BCL2L1: variants seen among roughly 807,000 people sequenced by gnomAD.
BCL2L1 encodes bcl-2-like protein 1.
BCL2L1 carries 1 observed loss-of-function variant against 18.7 expected under a neutral mutation model. That is an observed-to-expected ratio of 0.05 (90% CI 0.02 to 0.25). The LOEUF (loss-of-function observed/expected upper bound fraction) is 0.25. BCL2L1 is among the 10% of genes least tolerant of loss of function. BCL2L1 has a pLI of 1.00. For missense variants in BCL2L1, 207 were observed against 304.9 expected (o/e 0.68, Z 2.39); for synonymous variants, 103 against 122.7 (o/e 0.84, Z 1.06).
At chr20:31,693,402 C>T (rs1459610110) in intron 2 of BCL2L1, among the ~76,000 whole-genome samples, 3 of 151,966 alleles carry the variant, frequency 2.0e-5, no homozygotes, top group African/African-American at 7.3e-5. Context: ...GAGGTATGAT[C>T]ATGCCACTGC....
intron 2 of BCL2L1, among the ~76,000 whole-genome samples, chr20:31,674,775 T>C (rs762115211): frequency 6.7e-6 from 1 of 149,014 alleles, no homozygotes; most frequent in Non-Finnish European, 1.5e-5. Context: ...CTCAGGAGAC[T>C]GAAGTGGGAG....
intron 2 of BCL2L1, among the ~76,000 whole-genome samples, chr20:31,684,158 C>T (rs1013174197): frequency 3.9e-5 from 6 of 152,104 alleles, no homozygotes; most frequent in African/African-American, 1.4e-4. Context: ...ACAGCCCTGT[C>T]CCCCAGGGTG....
intron 2 of BCL2L1, among the ~76,000 whole-genome samples, chr20:31,671,919 A>C (rs983164289): frequency 1.4e-5 from 2 of 147,618 alleles, no homozygotes; most frequent in African/African-American, 4.9e-5. Flanking sequence ...TATACTTTAC[A>C]TATACTATAT....
At chr20:31,714,206 G>A (rs147296912) in intron 2 of BCL2L1, among the ~76,000 whole-genome samples, 69 of 152,326 alleles carry the variant, frequency 4.5e-4, no homozygotes, top group African/African-American at 1.1e-3. Flanking sequence ...TAAGGATAGA[G>A]AGAACCAGCA....
At chr20:31,711,231 C>G (rs746005774) in intron 2 of BCL2L1, among the ~76,000 whole-genome samples, 6 of 152,214 alleles carry the variant, frequency 3.9e-5, no homozygotes, top group Non-Finnish European at 5.9e-5. Flanking sequence ...ATTCATGCCT[C>G]ACTTACTCTG....
At chr20:31,720,872 C>T in intron 2 of BCL2L1, 3 of 985,432 alleles carry the variant, frequency 3.0e-6, no homozygotes, top group Non-Finnish European at 3.6e-6. Flanking sequence ...CCCCTGGGCT[C>T]TGGCCGGAAA....
intron 2 of BCL2L1, among the ~76,000 whole-genome samples, chr20:31,690,570 T>G (rs1422004526): frequency 6.7e-6 from 1 of 150,240 alleles, no homozygotes; most frequent in Non-Finnish European, 1.5e-5. Flanking sequence ...CAGGTCAGTA[T>G]GTATTTTTTT....
At chr20:31,700,404 C>A (rs1232607500) in intron 2 of BCL2L1, among the ~76,000 whole-genome samples, 2 of 152,178 alleles carry the variant, frequency 1.3e-5, no homozygotes, top group Non-Finnish European at 2.9e-5. Context: ...TCCCTGGGCA[C>A]GACCTATCTA....
chr20:31,678,558 GAGA>G (rs1452979128), intron 2 of BCL2L1, among the ~76,000 whole-genome samples: 2 of 152,190 alleles, frequency 1.3e-5, no homozygotes, highest in Non-Finnish European at 2.9e-5. Flanking sequence ...TGTGTAAATT[GAGA>G]AGCAACATTC....
intron 2 of BCL2L1, among the ~76,000 whole-genome samples, chr20:31,685,580 T>C (rs2060942572): frequency 1.3e-5 from 2 of 152,310 alleles, no homozygotes; most frequent in South Asian, 4.1e-4. Context: ...GTGAGCTTAC[T>C]CCTGCTTTGT....
intron 2 of BCL2L1, among the ~76,000 whole-genome samples, chr20:31,718,461 G>C (rs2061573487): frequency 1.3e-5 from 2 of 152,130 alleles, no homozygotes; most frequent in South Asian, 4.1e-4. Flanking sequence ...TTTGAAACCA[G>C]CTTGACCAAC....
At chr20:31,674,321 C>T (rs143990734) in intron 2 of BCL2L1, among the ~76,000 whole-genome samples, 51 of 152,248 alleles carry the variant, frequency 3.3e-4, no homozygotes, top group African/African-American at 1.2e-3. Context: ...TACCATTAAC[C>T]CATATAGCTG....
At chr20:31,720,122 C>T in intron 2 of BCL2L1, 1 of 985,404 alleles carries the variant, frequency 1.0e-6, no homozygotes, top group Non-Finnish European at 1.2e-6. Context: ...CTTTACCTCC[C>T]CTGACCCCAC....
chr20:31,684,072 C>A (rs949743648), intron 2 of BCL2L1, among the ~76,000 whole-genome samples: 10 of 152,010 alleles, frequency 6.6e-5, no homozygotes, highest in Non-Finnish European at 1.3e-4. Context: ...TATTTGAGAC[C>A]CAGGGCAGAG....
At position 31,721,815 on chromosome 20, in the gene BCL2L1, A is replaced by G; in HGVS notation, c.404T>C (p.Val135Ala). The G allele has an allele frequency of 1.2e-6, 2 of 1,613,860 alleles. No homozygotes were observed. The highest frequency in any genetic ancestry group is 2.2e-5 in the South Asian group (2 of 91,054). The change falls in exon 2 of 3, where the codon GTA becomes GCA. Residue 135 changes from valine (V) to alanine (A), a missense_variant. By Grantham distance (64) the Val-to-Ala change is moderately conservative (BLOSUM62 0). Coordinates refer to ENST00000307677, the MANE Select transcript of BCL2L1 (RefSeq NM_138578.3). ...AAAGGCCACAATGCGACCCCAGTTT[A>G]CCCCATCCCGGAAGAGTTCATTCAC... ...QVVNELFRDG[V>A]NWGRIVAFFS...
chr20:31,679,878 G>A (rs930348398), intron 2 of BCL2L1, among the ~76,000 whole-genome samples: 1 of 151,994 alleles, frequency 6.6e-6, no homozygotes, highest in Non-Finnish European at 1.5e-5. Context: ...ATGGGGTTTC[G>A]CTATGTTGGC....
intron 2 of BCL2L1, chr20:31,720,109 C>T (rs2061598655): frequency 3.0e-6 from 3 of 985,290 alleles, no homozygotes; most frequent in Non-Finnish European, 3.6e-6. Flanking sequence ...GAGAACCCAC[C>T]ACCTTTACCT....
chr20:31,683,347 A>T (rs2060896588), intron 2 of BCL2L1, among the ~76,000 whole-genome samples: 1 of 152,196 alleles, frequency 6.6e-6, no homozygotes. Context: ...CAGACAGATC[A>T]TGCAGATCTC....
chr20:31,723,327 G>GTGAGGC, upstream of BCL2L1: 15 of 985,634 alleles, frequency 1.5e-5, no homozygotes, highest in Non-Finnish European at 1.8e-5. Flanking sequence ...CTGGGTGAGG[G>GTGAGGC]TGAGGCGCTG....
Sources: allele counts gnomAD v4.1 joint callset (sites outside exome capture counted in the v4.1 genomes callset), GRCh38; gene constraint gnomAD v4.1.1; transcripts MANE v1.5; gene names NCBI Gene and HGNC (gene_info 2026-07-23, HGNC 2026-07-21).